ADGRF5: variants seen among roughly 807,000 people sequenced by gnomAD.
ADGRF5 encodes adhesion G protein-coupled receptor F5.
ADGRF5 carries 75 observed loss-of-function variants against 132.3 expected under a neutral mutation model. That is an observed-to-expected ratio of 0.57 (90% CI 0.47 to 0.69). The LOEUF (loss-of-function observed/expected upper bound fraction) is 0.69, where lower values mean the gene tolerates loss of function less well. ADGRF5 is among the 30% of genes least tolerant of loss of function. The pLI is 0.00. For synonymous variants in ADGRF5, 629 were observed against 597.6 expected, an observed-to-expected ratio of 1.05 and a Z score of -0.77; for missense variants, 1,516 against 1,630.6, an observed-to-expected ratio of 0.93 and a Z score of 1.21.
At chr6:46,884,486 G>A (rs367665116) in intron 4 of ADGRF5, among the ~76,000 whole-genome samples, 64 of 152,322 alleles carry the variant, frequency 4.2e-4, no homozygotes, top group East Asian at 2.3e-3. Flanking sequence ...CTGCTGTGAC[G>A]GTTGAGTGAT....
intron 14 of ADGRF5, among the ~76,000 whole-genome samples, chr6:46,864,753 T>C (rs141655284): frequency 0.011 from 1,715 of 152,252 alleles, 37 homozygotes; most frequent in African/African-American, 0.039. Flanking sequence ...CTTGATCTCC[T>C]GACCTCGTGA....
intron 1 of ADGRF5, among the ~76,000 whole-genome samples, chr6:46,936,803 G>T (rs1777851831): frequency 6.6e-6 from 1 of 152,172 alleles, no homozygotes; most frequent in African/African-American, 2.4e-5. Flanking sequence ...GAGAGTGGGA[G>T]ATCCCAGCGG....
chr6:46,869,296 C>A, intron 11 of ADGRF5: 1 of 1,412,740 alleles, frequency 7.1e-7, no homozygotes, highest in Non-Finnish European at 9.2e-7. Flanking sequence ...TGGTGGTGCT[C>A]TGCACTGTAC....
At chr6:46,877,306 T>TCTTTCCTTCCTTCC (rs369575219) in intron 10 of ADGRF5, among the ~76,000 whole-genome samples, 2 of 77,200 alleles carry the variant, frequency 2.6e-5, no homozygotes, top group South Asian at 4.8e-4. Context: ...TCTCTCTCTC[T>TCTTTCCTTCCTTCC]TTCCTTCCTT....
intron 1 of ADGRF5, among the ~76,000 whole-genome samples, chr6:46,938,941 G>A (rs1777953479): frequency 6.6e-6 from 1 of 151,214 alleles, no homozygotes; most frequent in South Asian, 2.1e-4. Flanking sequence ...CCCAATCTTG[G>A]CTCACTGCAA....
rs752560738 is a variant in ADGRF5, at chr6:46,869,001, C to T, written c.1503G>A (p.Glu501=). ...KCISDVSNYD[E]VYWNTSAGIK... is the part of the protein sequence containing the mutation. ...TTCCAGCAGAAGTGTTCCAATAAAC[C>T]TCATCATAGTTACTCACATCACTGA... The change falls in exon 12 of 21, where the codon GAG becomes GAA. Residue 501 remains glutamate, a synonymous_variant. Coordinates refer to ENST00000283296, the MANE Select transcript of ADGRF5 (RefSeq NM_001098518.2). The T allele has an allele frequency of 1.9e-6, 3 of 1,612,918 alleles. No homozygotes were observed. Among genetic ancestry groups the T allele is most frequent in the African/African-American group, 1.3e-5 (1 of 74,978 alleles).
At chr6:46,900,923 G>A (rs1370980522) in intron 2 of ADGRF5, among the ~76,000 whole-genome samples, 1 of 152,122 alleles carries the variant, frequency 6.6e-6, no homozygotes, top group Non-Finnish European at 1.5e-5. Flanking sequence ...GTATGACCTT[G>A]GGCAAATCAC....
chr6:46,889,778 G>A (rs908514754), intron 3 of ADGRF5, among the ~76,000 whole-genome samples: 8 of 91,226 alleles, frequency 8.8e-5, no homozygotes, highest in Admixed American at 6.3e-4. Flanking sequence ...TTATGTGTGT[G>A]TGTATATATA....
In ADGRF5 at chr6:46,858,764, A is replaced by C. The variant is rs780088672; in HGVS notation, c.3139T>G (p.Ser1047Ala). ...ACTATGCAGGTGTGGCGCATATAAG[A>C]AGTCCGGTTCTTGGTCACCGATTTC... ...VWKSVTKNRT[S>A]YMRHTCIVNI... is the part of the protein sequence containing the mutation. Residue 1047 changes from serine (S) to alanine (A), a missense_variant, in exon 17 of 21, where the codon TCT becomes GCT. Coordinates refer to ENST00000283296, the MANE Select transcript of ADGRF5 (RefSeq NM_001098518.2). 1.2e-6 allele frequency: 2 copies of C among 1,613,582 alleles called. No homozygotes were observed. Among genetic ancestry groups the C allele is most frequent in the Non-Finnish European group, 1.7e-6 (2 of 1,179,858 alleles).
At chr6:46,874,829 G>T (rs901008942) in intron 10 of ADGRF5, among the ~76,000 whole-genome samples, 1 of 152,158 alleles carries the variant, frequency 6.6e-6, no homozygotes, top group African/African-American at 2.4e-5. Context: ...TCTCAATGAG[G>T]GGCAATTTTG....
At chr6:46,947,411 T>C (rs1778336524) in intron 1 of ADGRF5, among the ~76,000 whole-genome samples, 1 of 152,206 alleles carries the variant, frequency 6.6e-6, no homozygotes, top group African/African-American at 2.4e-5. Flanking sequence ...ACCTATTTCC[T>C]CTCCATTAAC....
intron 1 of ADGRF5, among the ~76,000 whole-genome samples, chr6:46,913,499 CA>C (rs10713382): frequency 0.78 from 114,781 of 146,936 alleles, 44,874 homozygotes; most frequent in African/African-American, 0.87. Flanking sequence ...AACTCCACCT[CA>C]AAAAAAAAAA....
chr6:46,875,339 C>G (rs910584672), intron 10 of ADGRF5, among the ~76,000 whole-genome samples: 14 of 152,172 alleles, frequency 9.2e-5, no homozygotes, highest in Non-Finnish European at 1.9e-4. Flanking sequence ...ACTTTGCTTT[C>G]TGGAGAAGAG....
At chr6:46,892,518 G>A (rs1192053061) in intron 3 of ADGRF5, among the ~76,000 whole-genome samples, 3 of 152,170 alleles carry the variant, frequency 2.0e-5, no homozygotes, top group African/African-American at 7.2e-5. Context: ...TTGGGAGGCT[G>A]AGGCGGGTGG....
At chr6:46,854,787 A>G in intron 20 of ADGRF5, 2 of 1,286,102 alleles carry the variant, frequency 1.6e-6, no homozygotes, top group Non-Finnish European at 2.0e-6. Flanking sequence ...GGCTGCTGAC[A>G]ACATAAACCA....
chr6:46,890,093 G>A (rs563395741), intron 3 of ADGRF5, among the ~76,000 whole-genome samples: 64 of 152,072 alleles, frequency 4.2e-4, no homozygotes, highest in Non-Finnish European at 5.9e-5. Flanking sequence ...GATAAATTGA[G>A]AATATTTTTC....
chr6:46,873,810 A>G (rs1203993689), intron 10 of ADGRF5, among the ~76,000 whole-genome samples: 1 of 152,198 alleles, frequency 6.6e-6, no homozygotes, highest in African/African-American at 2.4e-5. Context: ...TAAAACCTGT[A>G]CATCTTCCAA....
intron 9 of ADGRF5, among the ~76,000 whole-genome samples, chr6:46,879,563 C>T (rs1772214579): frequency 6.6e-6 from 1 of 152,170 alleles, no homozygotes; most frequent in Admixed American, 6.5e-5. Context: ...TGAGGCCTCC[C>T]CAACCATGCA....
At chr6:46,935,065 G>A (rs902667873) in intron 1 of ADGRF5, among the ~76,000 whole-genome samples, 1 of 131,248 alleles carries the variant, frequency 7.6e-6, no homozygotes, top group African/African-American at 2.9e-5. Flanking sequence ...ATGCAGTAGT[G>A]TGATCTTGGC....
Sources: allele counts gnomAD v4.1 joint callset (sites outside exome capture counted in the v4.1 genomes callset), GRCh38; gene constraint gnomAD v4.1.1; transcripts MANE v1.5; gene names NCBI Gene and HGNC (gene_info 2026-07-23, HGNC 2026-07-21).